SUMF1: variants seen among roughly 807,000 people sequenced by gnomAD.
SUMF1 encodes the protein sulfatase modifying factor 1.
A neutral mutation model predicts 47.6 loss-of-function variants in SUMF1; 48 were observed. The observed-to-expected ratio is 1.01, with a 90% confidence interval of 0.80 to 1.28. SUMF1 has a LOEUF of 1.28. SUMF1 is among the 50% of genes most tolerant of loss of function. SUMF1 has a pLI of 0.00. For synonymous variants in SUMF1, 230 were observed against 192.1 expected (o/e 1.20, Z -1.63); for missense variants, 571 against 485.4 (o/e 1.18, Z -1.66).
chr3:4,080,504 G>A (rs1270738890), intron 8 of SUMF1, among the ~76,000 whole-genome samples: 1 of 151,970 alleles, frequency 6.6e-6, no homozygotes, highest in Non-Finnish European at 1.5e-5. Flanking sequence ...TGGGAACCCT[G>A]CTTCAAAATC....
chr3:4,375,134 C>CAAAAA (rs376228362), intron 8 of SUMF1, among the ~76,000 whole-genome samples: 3 of 73,246 alleles, frequency 4.1e-5, no homozygotes, highest in Non-Finnish European at 7.9e-5. Flanking sequence ...GACTCTGTCT[C>CAAAAA]AAAAAAAAAA....
intron 8 of SUMF1, among the ~76,000 whole-genome samples, chr3:4,153,949 C>G (rs1396314801): frequency 3.3e-5 from 5 of 151,632 alleles, no homozygotes; most frequent in Admixed American, 3.3e-4. Flanking sequence ...GGCATCAGAT[C>G]TGTTTGCACA....
intron 8 of SUMF1, among the ~76,000 whole-genome samples, chr3:4,120,343 T>G (rs1308764109): frequency 2.6e-5 from 4 of 152,316 alleles, no homozygotes; most frequent in African/African-American, 9.6e-5. Flanking sequence ...AAATCTGGTT[T>G]TCTGAAAGCT....
At chr3:4,335,960 CAAAAAAAAAA>C (rs770091674) in intron 8 of SUMF1, among the ~76,000 whole-genome samples, 1 of 73,908 alleles carries the variant, frequency 1.4e-5, no homozygotes, top group South Asian at 4.8e-4. Context: ...GATTCCAACT[CAAAAAAAAAA>C]AAAAAAAAAA....
intron 8 of SUMF1, among the ~76,000 whole-genome samples, chr3:4,091,804 T>C (rs1273683518): frequency 2.0e-5 from 3 of 151,706 alleles, no homozygotes; most frequent in Non-Finnish European, 4.4e-5. Context: ...CACAAGGACA[T>C]ACAGCTCACA....
intron 8 of SUMF1, among the ~76,000 whole-genome samples, chr3:4,100,481 T>A (rs1189499108): frequency 6.6e-6 from 1 of 151,982 alleles, no homozygotes; most frequent in East Asian, 1.9e-4. Context: ...AAGCCACAGA[T>A]AAAATTTAAA....
At chr3:4,130,907 G>A (rs1010456597) in intron 8 of SUMF1, among the ~76,000 whole-genome samples, 1 of 152,118 alleles carries the variant, frequency 6.6e-6, no homozygotes, top group African/African-American at 2.4e-5. Context: ...TGGGCCATAT[G>A]ACCCAACAGA....
chr3:4,143,988 C>CTT (rs10598580), intron 8 of SUMF1, among the ~76,000 whole-genome samples: 9 of 85,614 alleles, frequency 1.1e-4, no homozygotes, highest in Non-Finnish European at 8.1e-5. Context: ...TCTTCTCTCT[C>CTT]TTTTTTTTTT....
In SUMF1 at chr3:4,444,032, C is replaced by A. The variant is rs530289398; in HGVS notation, c.519+5234G>T. 5.8e-4 allele frequency among the ~76,000 whole-genome samples: 89 copies of A among 152,152 alleles called. No individual in the cohort carries two copies. The South Asian group carries it at 0.018, about 31-fold the overall frequency. ...ACCAACACACAGTCTAGTGAAATCA[C>A]TGGATACTAAAGAACAAGAAAAAGG... On this transcript the variant is annotated intron_variant, in intron 3 of 8. Coordinates refer to ENST00000272902, the MANE Select transcript of SUMF1 (RefSeq NM_182760.4).
At chr3:4,199,404 A>G (rs1360475596) in intron 8 of SUMF1, among the ~76,000 whole-genome samples, 1 of 152,100 alleles carries the variant, frequency 6.6e-6, no homozygotes, top group South Asian at 2.1e-4. Flanking sequence ...ACGTTGTCCA[A>G]CTTTGAGGTA....
chr3:4,078,155 A>C (rs1052092462), intron 8 of SUMF1, among the ~76,000 whole-genome samples: 4 of 152,118 alleles, frequency 2.6e-5, no homozygotes, highest in Non-Finnish European at 5.9e-5. Flanking sequence ...ATGACCTCAA[A>C]ATCTTTTTGA....
At chr3:4,433,018 C>T (rs543903034) in intron 3 of SUMF1, among the ~76,000 whole-genome samples, 1 of 152,262 alleles carries the variant, frequency 6.6e-6, no homozygotes, top group East Asian at 1.9e-4. Context: ...GCCATTGTTG[C>T]CTCATCTATA....
At chr3:4,118,842 C>A (rs1403397105) in intron 8 of SUMF1, among the ~76,000 whole-genome samples, 1 of 152,066 alleles carries the variant, frequency 6.6e-6, no homozygotes, top group East Asian at 1.9e-4. Context: ...TTACATAAAA[C>A]TTTTATGTCC....
intron 8 of SUMF1, among the ~76,000 whole-genome samples, chr3:4,134,284 C>T (rs991641602): frequency 2.0e-5 from 3 of 152,088 alleles, no homozygotes; most frequent in African/African-American, 7.2e-5. Context: ...GACCACAGTG[C>T]AATCAAACTA....
intron 8 of SUMF1, among the ~76,000 whole-genome samples, chr3:4,265,136 C>CAAAAAA (rs71043507): frequency 2.5e-4 from 18 of 73,396 alleles, no homozygotes; most frequent in Admixed American, 5.3e-4. Flanking sequence ...GACTCCATCT[C>CAAAAAA]AAAAAAAAAA....
At chr3:4,466,886 T>A in intron 1 of SUMF1, 90 bp downstream of exon 1, 2 of 1,531,020 alleles carry the variant, frequency 1.3e-6, no homozygotes, top group Non-Finnish European at 1.8e-6. Context: ...AACCTTTACT[T>A]CCCTTCCTAC....
At chr3:4,291,172 T>A (rs905605733) in intron 8 of SUMF1, among the ~76,000 whole-genome samples, 2 of 152,160 alleles carry the variant, frequency 1.3e-5, no homozygotes, top group African/African-American at 4.8e-5. Context: ...AAGTAGCAGA[T>A]CCTCAAAACA....
chr3:4,240,404 G>C (rs980190079), intron 8 of SUMF1, among the ~76,000 whole-genome samples: 5 of 152,138 alleles, frequency 3.3e-5, no homozygotes, highest in Admixed American at 6.5e-5. Context: ...GCGTTTCTTG[G>C]ATTATAGCCT....
chr3:4,318,967 A>C (rs1001646670), intron 8 of SUMF1, among the ~76,000 whole-genome samples: 5 of 152,240 alleles, frequency 3.3e-5, no homozygotes, highest in South Asian at 2.1e-4. Flanking sequence ...AACATGGGCA[A>C]AAGGTCTGAA....
Sources: gnomAD v4.1 joint callset for allele counts (sites outside exome capture counted in the v4.1 genomes callset) on GRCh38, gnomAD v4.1.1 for gene constraint, MANE v1.5 for transcripts, NCBI Gene and HGNC (gene_info 2026-07-23, HGNC 2026-07-21) for gene names.